The following SAXO1 variants were observed in gnomAD, a reference collection of about 807,000 sequenced individuals.
SAXO1 encodes the protein 4930500O09Rik.
In SAXO1, 21 loss-of-function variants were observed where a neutral mutation model predicts 17.5. The observed-to-expected ratio is 1.20, with a 90% CI of 0.85 to 1.72. The LOEUF is 1.72. SAXO1 is among the 40% of genes most tolerant of loss of function. SAXO1 has a pLI of 0.00. For missense variants in SAXO1, 843 were observed against 596.0 expected, an observed-to-expected ratio of 1.41 and a Z score of -4.32; for synonymous variants, 274 against 216.5, an observed-to-expected ratio of 1.27 and a Z score of -2.33.
At chr9:19,008,296 A>G (rs1222429743) in intron 1 of SAXO1, among the ~76,000 whole-genome samples, 2 of 152,082 alleles carry the variant, frequency 1.3e-5, no homozygotes, top group Admixed American at 6.6e-5. Context: ...CCTTTATAGA[A>G]AAAGATTGCT....
chr9:18,993,178 G>A (rs546371173), intron 1 of SAXO1, among the ~76,000 whole-genome samples: 12 of 151,730 alleles, frequency 7.9e-5, no homozygotes, highest in East Asian at 1.9e-4. Flanking sequence ...AGGTATACAC[G>A]TGTCATGGTG....
intron 1 of SAXO1, among the ~76,000 whole-genome samples, chr9:18,962,734 T>C (rs1223840634): frequency 6.6e-6 from 1 of 151,810 alleles, no homozygotes; most frequent in African/African-American, 2.4e-5. Flanking sequence ...TTGCAAAAAT[T>C]TTCTCCCTTT....
At chr9:18,951,060 A>T in intron 1 of SAXO1, 123 bp from the exon 2 acceptor site, 2 of 994,774 alleles carry the variant, frequency 2.0e-6, no homozygotes, top group Non-Finnish European at 2.9e-6. Context: ...ATTGAAAACC[A>T]GAATTCAACG....
Position 18,980,781 on chromosome 9 carries a change from G to GAAAAAAAA in SAXO1, c.39-29852_39-29845dup, listed in dbSNP as rs10640487. On this transcript the variant is annotated intron_variant, in intron 1 of 3. Transcript: ENST00000380534. ...AGGAGAAGCATATTTTTAAAAAACT[G>GAAAAAAAA]AAAAAAAAAAAAAAAAAAGCCTGGA... 8.7e-4 allele frequency among the ~76,000 whole-genome samples: 73 copies of GAAAAAAAA among 83,880 alleles called. 2 individuals are homozygous for GAAAAAAAA. The highest frequency in any genetic ancestry group is 9.6e-3 in the Middle Eastern group (1 of 104). 55.0% of individuals were successfully genotyped at this position (83,880 alleles called of 152,430 possible).
intron 1 of SAXO1, among the ~76,000 whole-genome samples, chr9:18,995,549 T>C (rs1435637829): frequency 6.6e-6 from 1 of 152,206 alleles, no homozygotes; most frequent in African/African-American, 2.4e-5. Flanking sequence ...ATGCTGCTGC[T>C]ATTCCCTTTT....
chr9:19,040,747 T>C (rs1309207541), intron 1 of SAXO1, among the ~76,000 whole-genome samples: 1 of 152,132 alleles, frequency 6.6e-6, no homozygotes, highest in Non-Finnish European at 1.5e-5. Context: ...GGTAAACCTA[T>C]ACAGACAGAA....
At chr9:19,047,136 G>A (rs951404418) in intron 1 of SAXO1, among the ~76,000 whole-genome samples, 1 of 152,034 alleles carries the variant, frequency 6.6e-6, no homozygotes, top group African/African-American at 2.4e-5. Context: ...GCAGTAAGCC[G>A]AGATAGTGCC....
intron 1 of SAXO1, among the ~76,000 whole-genome samples, chr9:18,955,265 A>T (rs1056159583): frequency 5.0e-5 from 6 of 120,670 alleles, no homozygotes. Flanking sequence ...TTAATGTTTC[A>T]TGTGACCCAA....
intron 1 of SAXO1, among the ~76,000 whole-genome samples, chr9:18,962,077 T>C (rs1689935613): frequency 6.6e-6 from 1 of 152,150 alleles, no homozygotes; most frequent in African/African-American, 2.4e-5. Flanking sequence ...TTTTTCTTTT[T>C]CTTTCTTAAG....
intron 1 of SAXO1, among the ~76,000 whole-genome samples, chr9:19,025,030 A>C (rs1453485173): frequency 6.6e-6 from 1 of 152,212 alleles, no homozygotes; most frequent in Non-Finnish European, 1.5e-5. Flanking sequence ...AATTTGACAT[A>C]TACCCACTTG....
chr9:19,027,917 C>G, intron 1 of SAXO1: 1 of 1,386,930 alleles, frequency 7.2e-7, no homozygotes, highest in Non-Finnish European at 1.0e-6. Context: ...TCATGCAGAT[C>G]CACTCCCAAA....
At chr9:19,025,264 C>A (rs1191416824) in intron 1 of SAXO1, among the ~76,000 whole-genome samples, 1 of 151,808 alleles carries the variant, frequency 6.6e-6, no homozygotes, top group Non-Finnish European at 1.5e-5. Context: ...AAAGGCTGTT[C>A]TTTGTGTTTT....
chr9:18,930,500 C>CTTTTT (rs55974011), intron 3 of SAXO1, among the ~76,000 whole-genome samples: 4 of 146,358 alleles, frequency 2.7e-5, no homozygotes, highest in African/African-American at 2.5e-5. Context: ...ACTGCTGGAA[C>CTTTTT]TTTTTTTTTT....
chr9:19,017,503 C>G (rs1203301564), intron 1 of SAXO1, among the ~76,000 whole-genome samples: 3 of 152,216 alleles, frequency 2.0e-5, no homozygotes, highest in African/African-American at 7.2e-5. Context: ...CTACAGCATG[C>G]TGCACCAGAG....
At chr9:18,966,083 CT>C (rs1462010078) in intron 1 of SAXO1, among the ~76,000 whole-genome samples, 4 of 152,228 alleles carry the variant, frequency 2.6e-5, no homozygotes, top group Non-Finnish European at 1.5e-5. Flanking sequence ...CCACTCTCTT[CT>C]GGTTTGTAGG....
chr9:18,962,100 T>C (rs545777734), intron 1 of SAXO1, among the ~76,000 whole-genome samples: 98 of 152,284 alleles, frequency 6.4e-4, no homozygotes, highest in African/African-American at 2.1e-3. Context: ...GGAGTTTTGC[T>C]CTTGTTGCCC....
At chr9:19,035,709 A>T (rs904683593), upstream of SAXO1, among the ~76,000 whole-genome samples, 6 of 152,232 alleles carry the variant, frequency 3.9e-5, no homozygotes, top group Admixed American at 3.9e-4. Flanking sequence ...AGGTGGTCTC[A>T]GATAGAGATG....
Position 18,941,705 on chromosome 9 carries a change from T to A in SAXO1, c.353A>T (p.Asp118Val). The A allele has an allele frequency of 6.2e-7, 1 of 1,614,114 alleles. No individual in the cohort carries two copies. The highest frequency in any genetic ancestry group is 8.5e-7 in the Non-Finnish European group (1 of 1,180,024). Reference sequence around the variant, plus strand: ...TTTACTGTCCCGAGGTTTGATGGGGTCCACTCGACAGACAGGGTAGGGATT... The same window carrying A: ...TTTACTGTCCCGAGGTTTGATGGGGACCACTCGACAGACAGGGTAGGGATT... ...DYNPYPVCRVDPIKPRDSKYP... is the reference protein window; with the variant it reads ...DYNPYPVCRVVPIKPRDSKYP... The change falls in exon 3 of 4, where the codon GAC becomes GTC. Residue 118 changes from aspartate to valine, a missense_variant. Transcript: ENST00000380534.
chr9:19,011,421 G>A (rs1404229064), intron 1 of SAXO1, among the ~76,000 whole-genome samples: 2 of 151,960 alleles, frequency 1.3e-5, no homozygotes, highest in Non-Finnish European at 2.9e-5. Flanking sequence ...AAACATGGCT[G>A]AAAGAGACAC....
Sources: allele counts gnomAD v4.1 joint callset (sites outside exome capture counted in the v4.1 genomes callset), GRCh38; gene constraint gnomAD v4.1.1; transcripts MANE v1.5; gene names NCBI Gene and HGNC (gene_info 2026-07-23, HGNC 2026-07-21).